CCSER1: variants seen among roughly 807,000 people sequenced by gnomAD.
CCSER1 encodes coiled-coil serine rich protein 1.
CCSER1 carries 41 observed loss-of-function variants against 82.0 expected under a neutral mutation model. The ratio of observed to expected loss-of-function variants is 0.50; its 90% CI spans 0.39 to 0.65. The LOEUF (loss-of-function observed/expected upper bound fraction) is 0.65. Among genes scored for constraint, CCSER1 ranks in the 30% least tolerant of loss-of-function variants. The probability of loss-of-function intolerance (pLI) is 0.00; values close to 1 mark genes in which losing one functional copy is unlikely to be tolerated. For missense variants in CCSER1, 1,119 were observed against 1,064.2 expected, an observed-to-expected ratio of 1.05 and a Z score of -0.72; for synonymous variants, 414 against 383.9, an observed-to-expected ratio of 1.08 and a Z score of -0.92.
In CCSER1 at chr4:90,998,248, T is replaced by C. The variant is rs532982343; in HGVS notation, c.2172+74801T>C. Among the ~76,000 whole-genome samples, 33 of 152,152 alleles carry C rather than the reference T, an allele frequency of 2.2e-4. 1 individual carries two copies. In the South Asian group the frequency reaches 4.6e-3, roughly 21 times the overall value. On this transcript the variant is annotated intron_variant, in intron 9 of 10. Transcript: ENST00000509176. Reference sequence around the variant, plus strand: ...GGCATGCGTCACCACGTCCAGCTAATTTTGTATTTTTAGTAGAGACGGGGT... The same window carrying C: ...GGCATGCGTCACCACGTCCAGCTAACTTTGTATTTTTAGTAGAGACGGGGT...
chr4:90,931,980 A>G (rs1328005365), intron 9 of CCSER1, among the ~76,000 whole-genome samples: 1 of 152,224 alleles, frequency 6.6e-6, no homozygotes, highest in African/African-American at 2.4e-5. Flanking sequence ...AGAGAGCTAA[A>G]GGGAAAATAT....
intron 10 of CCSER1, among the ~76,000 whole-genome samples, chr4:91,220,478 A>G (rs1381107607): frequency 2.6e-5 from 4 of 152,238 alleles, no homozygotes; most frequent in Admixed American, 6.5e-5. Flanking sequence ...GCTAAGAGCT[A>G]GAATACAATG....
At chr4:90,983,252 T>C (rs1736286437) in intron 9 of CCSER1, among the ~76,000 whole-genome samples, 1 of 151,820 alleles carries the variant, frequency 6.6e-6, no homozygotes. Flanking sequence ...AGACATCTCA[T>C]GTTGTTTTTA....
chr4:91,571,451 C>T (rs75257643), intron 10 of CCSER1, among the ~76,000 whole-genome samples: 1 of 152,288 alleles, frequency 6.6e-6, no homozygotes, highest in East Asian at 1.9e-4. Context: ...ATTTAATTGA[C>T]TTACAGTTTT....
intron 1 of CCSER1, among the ~76,000 whole-genome samples, chr4:90,168,957 G>A (rs540968033): frequency 5.3e-5 from 8 of 151,826 alleles, no homozygotes; most frequent in South Asian, 4.2e-4. Flanking sequence ...GTGGTGATGC[G>A]GGCTCTTTTT....
chr4:90,445,644 A>G lies in CCSER1; in HGVS notation c.1604-22590A>G, dbSNP rs141202429. ...TCTGTTAGTAAAGTATGAAAAATTA[A>G]TGTCCTTTCAAGTAACTAACCTTTT... On this transcript the variant is annotated intron_variant, in intron 4 of 10. Coordinates refer to ENST00000509176, the MANE Select transcript of CCSER1 (RefSeq NM_001145065.2). 2.1e-3 allele frequency among the ~76,000 whole-genome samples: 325 copies of G among 152,226 alleles called. 1 individual carries two copies. Among genetic ancestry groups the G allele is most frequent in the African/African-American group, 7.2e-3 (298 of 41,570 alleles).
intron 8 of CCSER1, among the ~76,000 whole-genome samples, chr4:90,848,377 A>T (rs1398817363): frequency 6.6e-6 from 1 of 152,234 alleles, no homozygotes; most frequent in Non-Finnish European, 1.5e-5. Flanking sequence ...TGGCAATAGC[A>T]GAAATATAGT....
intron 6 of CCSER1, among the ~76,000 whole-genome samples, chr4:90,652,299 C>T (rs1728897308): frequency 6.6e-6 from 1 of 152,098 alleles, no homozygotes; most frequent in Non-Finnish European, 1.5e-5. Flanking sequence ...TCACATGTTG[C>T]TACTGGAATC....
At chr4:91,005,390 TACAC>T (rs10555507) in intron 9 of CCSER1, among the ~76,000 whole-genome samples, 1,829 of 149,156 alleles carry the variant, frequency 0.012, 15 homozygotes, top group South Asian at 0.024. Context: ...GAAGTAATTT[TACAC>T]ACACACACAC....
chr4:91,184,915 G>T (rs1734382623), intron 10 of CCSER1, among the ~76,000 whole-genome samples: 1 of 152,116 alleles, frequency 6.6e-6, no homozygotes, highest in Non-Finnish European at 1.5e-5. Context: ...AAATTTATAG[G>T]TACAGAAGTT....
chr4:90,857,518 A>T (rs563106103), intron 8 of CCSER1, among the ~76,000 whole-genome samples: 2 of 152,100 alleles, frequency 1.3e-5, no homozygotes, highest in Non-Finnish European at 2.9e-5. Context: ...TATTCTATTC[A>T]TTAGAAGCAG....
chr4:91,105,057 T>G (rs1725465207), intron 10 of CCSER1, among the ~76,000 whole-genome samples: 1 of 152,172 alleles, frequency 6.6e-6, no homozygotes, highest in Non-Finnish European at 1.5e-5. Context: ...CCTCCTACCC[T>G]CTTACCCTTC....
intron 10 of CCSER1, among the ~76,000 whole-genome samples, chr4:91,163,281 C>G (rs192243838): frequency 2.0e-5 from 3 of 152,320 alleles, no homozygotes; most frequent in East Asian, 3.9e-4. Context: ...TTTGAGTACA[C>G]TATGGTCTTA....
chr4:90,577,248 A>G (rs28863528), intron 5 of CCSER1, among the ~76,000 whole-genome samples: 6,428 of 152,096 alleles, frequency 0.042, 343 homozygotes, highest in African/African-American at 0.12. Flanking sequence ...CTCTTCTGCT[A>G]GAAGTAGGAG....
intron 8 of CCSER1, among the ~76,000 whole-genome samples, chr4:90,824,817 C>T (rs191818787): frequency 4.6e-5 from 7 of 152,044 alleles, no homozygotes; most frequent in South Asian, 2.1e-4. Context: ...GGAAACATTA[C>T]GAACAGAAAA....
chr4:91,231,706 GTATATTTATGAA>G (rs1386769055), intron 10 of CCSER1, among the ~76,000 whole-genome samples: 1 of 151,454 alleles, frequency 6.6e-6, no homozygotes, highest in Non-Finnish European at 1.5e-5. Context: ...ATAAAGTTAC[GTATATTTATGAA>G]TTCATGTAAA....
intron 4 of CCSER1, among the ~76,000 whole-genome samples, chr4:90,407,164 G>C (rs1177265284): frequency 6.6e-6 from 1 of 152,058 alleles, no homozygotes; most frequent in Non-Finnish European, 1.5e-5. Context: ...ATCTCAATTA[G>C]AAACAAAATG....
chr4:91,472,707 G>T (rs1757349128), intron 10 of CCSER1, among the ~76,000 whole-genome samples: 1 of 152,018 alleles, frequency 6.6e-6, no homozygotes, highest in Admixed American at 6.6e-5. Flanking sequence ...AGCTCTTTGG[G>T]ACCCTTGAAT....
At chr4:90,708,632 T>C (rs1363402934) in intron 6 of CCSER1, among the ~76,000 whole-genome samples, 1 of 152,190 alleles carries the variant, frequency 6.6e-6, no homozygotes, top group Non-Finnish European at 1.5e-5. Flanking sequence ...TCTTTATTAT[T>C]TATTTATGTT....
Sources: gnomAD v4.1 joint callset for allele counts (sites outside exome capture counted in the v4.1 genomes callset) on GRCh38, gnomAD v4.1.1 for gene constraint, MANE v1.5 for transcripts, NCBI Gene and HGNC (gene_info 2026-07-23, HGNC 2026-07-21) for gene names.